The following NARS2 variants were observed in gnomAD, a reference collection of about 807,000 sequenced individuals.
The protein encoded by NARS2 is asparaginyl-tRNA synthetase 2, mitochondrial.
A neutral mutation model predicts 62.9 loss-of-function variants in NARS2; 60 were observed. The ratio of observed to expected loss-of-function variants is 0.95; its 90% CI spans 0.77 to 1.18. NARS2 has a LOEUF of 1.18. Among genes scored for constraint, NARS2 ranks in the 50% most tolerant of loss-of-function variants. The probability of loss-of-function intolerance (pLI) is 0.00; values close to 1 mark genes in which losing one functional copy is unlikely to be tolerated. For synonymous variants in NARS2, 196 were observed against 200.0 expected (o/e 0.98, Z 0.17); for missense variants, 619 against 576.4 (o/e 1.07, Z -0.76).
intron 5 of NARS2, among the ~76,000 whole-genome samples, chr11:78,532,064 C>G (rs1185617304): frequency 6.6e-6 from 1 of 152,120 alleles, no homozygotes; most frequent in African/African-American, 2.4e-5. Context: ...ATTATTGAAT[C>G]TTAGTAGCTT....
At chr11:78,481,965 G>C (rs1473774347) in intron 7 of NARS2, among the ~76,000 whole-genome samples, 2 of 152,000 alleles carry the variant, frequency 1.3e-5, no homozygotes, top group African/African-American at 4.8e-5. Context: ...AAATAAATAA[G>C]AACTGGAGTA....
chr11:78,532,791 T>C (rs996065145), intron 5 of NARS2, among the ~76,000 whole-genome samples: 1 of 152,164 alleles, frequency 6.6e-6, no homozygotes, highest in Non-Finnish European at 1.5e-5. Context: ...ACCAAATTGA[T>C]AGGGATGCAA....
At chr11:78,460,181 G>A (rs1243878304) in intron 11 of NARS2, among the ~76,000 whole-genome samples, 1 of 152,154 alleles carries the variant, frequency 6.6e-6, no homozygotes, top group African/African-American at 2.4e-5. Flanking sequence ...ACTAGGCATT[G>A]TAGGCGACAT....
At chr11:78,556,767 C>T (rs559038296) in intron 5 of NARS2, among the ~76,000 whole-genome samples, 1 of 152,288 alleles carries the variant, frequency 6.6e-6, no homozygotes, top group South Asian at 2.1e-4. Context: ...TCTTTTATCT[C>T]CTCAAAGACA....
chr11:78,467,506 C>T (rs935374204), intron 10 of NARS2, among the ~76,000 whole-genome samples: 1 of 151,744 alleles, frequency 6.6e-6, no homozygotes, highest in Non-Finnish European at 1.5e-5. Context: ...CCACTGCACT[C>T]CAGCCTCGGC....
chr11:78,532,840 CCAAT>C (rs111370628), intron 5 of NARS2, among the ~76,000 whole-genome samples: 4 of 152,146 alleles, frequency 2.6e-5, no homozygotes, highest in African/African-American at 4.8e-5. Context: ...TAAGCTGTAA[CCAAT>C]CAAACTGCTG....
intron 11 of NARS2, among the ~76,000 whole-genome samples, chr11:78,448,828 C>A (rs1857858071): frequency 6.6e-6 from 1 of 152,154 alleles, no homozygotes; most frequent in Admixed American, 6.5e-5. Context: ...GAGAGATGTA[C>A]TTGTTGCTGG....
intron 5 of NARS2, among the ~76,000 whole-genome samples, chr11:78,556,525 C>T (rs1004824790): frequency 2.0e-5 from 3 of 152,074 alleles, no homozygotes; most frequent in Admixed American, 6.5e-5. Context: ...TAAGGAAGTC[C>T]CCTTTGCTTT....
At chr11:78,551,374 C>T (rs915878077) in intron 5 of NARS2, among the ~76,000 whole-genome samples, 4 of 152,032 alleles carry the variant, frequency 2.6e-5, no homozygotes, top group African/African-American at 4.8e-5. Flanking sequence ...CAATGGTAAG[C>T]GTGTGTGTAT....
chr11:78,493,159 G>A lies in NARS2; in HGVS notation c.726C>T (p.Phe242=). 1.2e-6 allele frequency: 2 copies of A among 1,613,966 alleles called. No individual in the cohort carries two copies. The highest frequency in any genetic ancestry group is 1.7e-6 in the Non-Finnish European group (2 of 1,179,930). ...FTQVFTFGPT[F]RAENSQSRRH... ...TCCGGCTCTGAGAATTTTCAGCTCG[G>A]AAGGTCGGACCAAAGGTAAACACTT... Residue 242 remains phenylalanine (F), a synonymous_variant, in exon 7 of 14, where the codon TTC becomes TTT. Coordinates refer to ENST00000281038, the MANE Select transcript of NARS2 (RefSeq NM_024678.6).
chr11:78,513,950 CT>C (rs1860812616), intron 6 of NARS2, among the ~76,000 whole-genome samples: 1 of 152,056 alleles, frequency 6.6e-6, no homozygotes, highest in South Asian at 2.1e-4. Flanking sequence ...ACACACCCCC[CT>C]ACACACACAC....
At chr11:78,447,898 G>C (rs1238008322) in intron 11 of NARS2, among the ~76,000 whole-genome samples, 1 of 152,136 alleles carries the variant, frequency 6.6e-6, no homozygotes, top group Non-Finnish European at 1.5e-5. Context: ...GTTTCAGATG[G>C]ACAGAGGAAT....
intron 4 of NARS2, among the ~76,000 whole-genome samples, chr11:78,563,933 G>A (rs867255120): frequency 3.1e-5 from 4 of 128,310 alleles, no homozygotes; most frequent in South Asian, 2.4e-4. Context: ...ATGGAATCTC[G>A]CTCTGTTGCC....
At chr11:78,443,819 T>G in intron 11 of NARS2, 61 bp from the exon 12 acceptor site, 1 of 1,258,872 alleles carries the variant, frequency 7.9e-7, no homozygotes, top group Non-Finnish European at 1.1e-6. Context: ...AGTCAGTTTC[T>G]GAAGCAAGTA....
chr11:78,540,899 C>T lies in NARS2; in HGVS notation c.595-11963G>A, dbSNP rs182988765. Among the ~76,000 whole-genome samples, 20 of 152,098 alleles carry T rather than the reference C, an allele frequency of 1.3e-4. No homozygotes were observed. In the East Asian group the frequency reaches 3.7e-3, roughly 28 times the overall value. ...AGATAAAACTTTAATTTTTTCACGCCTGTAATCCCAGCACTTTGGGAGGCC... is the reference window on the plus strand; with the variant it reads ...AGATAAAACTTTAATTTTTTCACGCTTGTAATCCCAGCACTTTGGGAGGCC... On this transcript the variant is annotated intron_variant, in intron 5 of 13. Transcript: ENST00000281038.
At chr11:78,542,303 G>A (rs1375820201) in intron 5 of NARS2, among the ~76,000 whole-genome samples, 2 of 152,210 alleles carry the variant, frequency 1.3e-5, no homozygotes, top group African/African-American at 4.8e-5. Context: ...GGGTAAGGTT[G>A]AGGCAAAACA....
intron 7 of NARS2, among the ~76,000 whole-genome samples, chr11:78,480,325 G>T (rs1591181438): frequency 6.7e-6 from 1 of 148,878 alleles, no homozygotes; most frequent in African/African-American, 2.6e-5. Context: ...TGGTGCAATG[G>T]CTCACTGTAG....
chr11:78,555,886 T>C lies in NARS2; in HGVS notation c.594+3653A>G, dbSNP rs558201201. On this transcript the variant is annotated intron_variant, in intron 5 of 13. Coordinates refer to ENST00000281038, the MANE Select transcript of NARS2 (RefSeq NM_024678.6). ...GAGATTCTGGTACGTTGTATCTTTG[T>C]TCTCATTATTTTCAAAAAACTTTTT... 2.7e-3 allele frequency among the ~76,000 whole-genome samples: 405 copies of C among 152,336 alleles called. 7 individuals are homozygous for C. The highest frequency in any genetic ancestry group is 0.02 in the Middle Eastern group (6 of 294).
At chr11:78,474,776 A>C (rs1210106300) in intron 9 of NARS2, among the ~76,000 whole-genome samples, 1 of 152,184 alleles carries the variant, frequency 6.6e-6, no homozygotes, top group African/African-American at 2.4e-5. Context: ...ACACATATAC[A>C]TTTATTTAAA....
Sources: gnomAD v4.1 joint callset for allele counts (sites outside exome capture counted in the v4.1 genomes callset) on GRCh38, gnomAD v4.1.1 for gene constraint, MANE v1.5 for transcripts, NCBI Gene and HGNC (gene_info 2026-07-23, HGNC 2026-07-21) for gene names.